SFMBT2: variants seen among roughly 807,000 people sequenced by gnomAD.
SFMBT2 encodes the protein Scm like with four mbt domains 2.
In SFMBT2, 38 loss-of-function variants were observed where a neutral mutation model predicts 110.1. That is an observed-to-expected ratio of 0.35 (90% CI 0.27 to 0.45). SFMBT2 has a LOEUF of 0.45. SFMBT2 is among the 20% of genes least tolerant of loss of function. The pLI, the probability that SFMBT2 is intolerant of heterozygous loss-of-function variation, is 1.00. For synonymous variants in SFMBT2, 425 were observed against 425.4 expected (o/e 1.00, Z 0.01); for missense variants, 1,011 against 1,094.9 (o/e 0.92, Z 1.08).
chr10:7,239,844 G>A (rs1840378485), intron 9 of SFMBT2, among the ~76,000 whole-genome samples: 1 of 152,280 alleles, frequency 6.6e-6, no homozygotes, highest in East Asian at 1.9e-4. Flanking sequence ...GGATACGGTT[G>A]TGTAGAAAAA....
Position 7,171,904 on chromosome 10 carries a change from C to T in SFMBT2, c.2406G>A (p.Glu802=). 1 of 1,436,074 alleles carries T rather than the reference C, an allele frequency of 7.0e-7. No individual in the cohort carries two copies. Among genetic ancestry groups the T allele is most frequent in the South Asian group, 1.5e-5 (1 of 67,804 alleles). The allele number at this position is 1,436,074 out of a possible 1,614,324, so 89.0% of individuals were successfully genotyped here. A position where few individuals can be genotyped will look rare whatever the true frequency, so the allele number is the denominator to read the frequency against. The change falls in exon 19 of 21, where the codon GAG becomes GAA. Residue 802 remains glutamate, a synonymous_variant. Transcript: ENST00000397167. This position sits in a 1 kb window ranked among gnomAD's most constrained non-coding sequence, Gnocchi z 4.9. The part of the protein sequence containing the change: ...EGEKCPPTKP[E]GTEDTKQEEE... Reference sequence around the variant, plus strand: ...CACGCCCGGGCATCACCTCTGTCCCCTCGGGCTTGGTCGGCGGGCACTTCT... The same window carrying T: ...CACGCCCGGGCATCACCTCTGTCCCTTCGGGCTTGGTCGGCGGGCACTTCT...
Position 7,381,909 on chromosome 10 carries a change from C to A in SFMBT2, c.-11G>T. 1.9e-6 allele frequency: 3 copies of A among 1,570,010 alleles called. No individual in the cohort carries two copies. The highest frequency in any genetic ancestry group is 1.2e-5 in the South Asian group (1 of 83,672). On this transcript the variant is annotated 5_prime_UTR_variant, in exon 2 of 21. Coordinates refer to ENST00000397167, the MANE Select transcript of SFMBT2 (RefSeq NM_001387889.1). ...CAAAGTGCTCTCCATGCCTGATGAG[C>A]AAGTGTCTCTTCTCTTAATTCATCC... is the stretch of plus-strand genomic sequence containing the variant.
intron 15 of SFMBT2, among the ~76,000 whole-genome samples, chr10:7,195,749 C>G (rs554429769): frequency 6.6e-6 from 1 of 152,190 alleles, no homozygotes. Context: ...TTGCAGATGC[C>G]TCCGGTGTGA....
intron 16 of SFMBT2, among the ~76,000 whole-genome samples, chr10:7,184,779 G>A (rs747610065): frequency 2.6e-5 from 4 of 152,062 alleles, no homozygotes; most frequent in Non-Finnish European, 5.9e-5. Context: ...ACGAGGTTCT[G>A]GTTCTTCAAG....
chr10:7,372,355 C>T (rs1845086399), intron 2 of SFMBT2, among the ~76,000 whole-genome samples: 1 of 152,234 alleles, frequency 6.6e-6, no homozygotes, highest in Non-Finnish European at 1.5e-5. Flanking sequence ...ATTTTGCCTT[C>T]TAAGCCCAAG....
Position 7,319,978 on chromosome 10 carries a change from G to A in SFMBT2, c.437-34024C>T, listed in dbSNP as rs113885891. On this transcript the variant is annotated intron_variant, in intron 4 of 20. Transcript: ENST00000397167. ...AGACAGAGAGAGATGAAGACAGAGA[G>A]ACACAGAGAGAGAGACAGAGAGGGA... Among the ~76,000 whole-genome samples, 47 of 151,446 alleles carry A rather than the reference G, an allele frequency of 3.1e-4. 2 individuals carry two copies. The highest frequency in any genetic ancestry group is 1.1e-3 in the African/African-American group (45 of 41,278).
chr10:7,254,948 G>A (rs1364479664), intron 7 of SFMBT2, among the ~76,000 whole-genome samples: 2 of 152,160 alleles, frequency 1.3e-5, no homozygotes, highest in East Asian at 3.8e-4. Context: ...CACTCCTAAG[G>A]AATAACAAGT....
At chr10:7,213,280 T>A (rs1432957480) in intron 11 of SFMBT2, among the ~76,000 whole-genome samples, 1 of 152,058 alleles carries the variant, frequency 6.6e-6, no homozygotes, top group Non-Finnish European at 1.5e-5. Context: ...AACACAGACC[T>A]ACTGTGTATT....
At chr10:7,322,704 C>T (rs7070031) in intron 4 of SFMBT2, among the ~76,000 whole-genome samples, 12,119 of 151,802 alleles carry the variant, frequency 0.08, 634 homozygotes, top group Non-Finnish European at 0.12. Context: ...AGTGGGGAGG[C>T]GAATGGACAA....
At chr10:7,284,288 A>C in intron 5 of SFMBT2, 138 bp from the exon 6 acceptor site, 2 of 1,460,162 alleles carry the variant, frequency 1.4e-6, no homozygotes, top group Non-Finnish European at 1.8e-6. Flanking sequence ...CCTCCACCCC[A>C]TCCTTGCCCA....
chr10:7,353,239 T>C (rs1844383792), intron 4 of SFMBT2, among the ~76,000 whole-genome samples: 1 of 152,074 alleles, frequency 6.6e-6, no homozygotes, highest in South Asian at 2.1e-4. Flanking sequence ...CTGATTGATA[T>C]TAAAGTGTTT....
rs948262119 is a variant in SFMBT2 at position 7,200,291 on chromosome 10, T to C, written c.1558+123A>G. The C allele has an allele frequency of 9.8e-6, 7 of 715,438 alleles. No individual in the cohort carries two copies. In the Admixed American group the frequency reaches 1.0e-4, roughly 10 times the overall value. 44.3% of individuals were successfully genotyped at this position (715,438 alleles called of 1,614,324 possible). On this transcript the variant is annotated intron_variant, in intron 14 of 20. Transcript: ENST00000397167. ...GTAGGTATCCGTTCCTGAGTGGCAA[T>C]GGAGAAAAACAGAATAGGCTCAACG...
At chr10:7,377,256 A>C (rs1845260674) in intron 2 of SFMBT2, among the ~76,000 whole-genome samples, 1 of 151,988 alleles carries the variant, frequency 6.6e-6, no homozygotes, top group Admixed American at 6.6e-5. Flanking sequence ...TTCTCAAGGA[A>C]AAACTTTAGT....
rs952920838 is a variant in SFMBT2, at chr10:7,408,629, C to A, written c.-52+2232G>T. ...CCCACGAGGTCCCTCGGGCAGGAAC[C>A]GCCGCGCGACCTCTGTTCAGCGGCC... On this transcript the variant is annotated intron_variant, in intron 1 of 20. Coordinates refer to ENST00000397167, the MANE Select transcript of SFMBT2 (RefSeq NM_001387889.1). This position sits in a 1 kb window ranked among gnomAD's most constrained non-coding sequence, Gnocchi z 5.7. The A allele has an allele frequency of 6.6e-6, 1 of 151,860 alleles. No individual in the cohort carries two copies. The highest frequency in any genetic ancestry group is 1.5e-5 in the Non-Finnish European group (1 of 67,958). The allele number at this position is 151,860 out of a possible 1,614,324, so 9.4% of individuals were successfully genotyped here.
chr10:7,316,044 CTACT>C (rs1258964525), intron 4 of SFMBT2, among the ~76,000 whole-genome samples: 1 of 152,180 alleles, frequency 6.6e-6, no homozygotes, highest in Non-Finnish European at 1.5e-5. Context: ...TGAACTTGGT[CTACT>C]TCATCACAGA....
chr10:7,224,436 G>T (rs934461155), intron 10 of SFMBT2, among the ~76,000 whole-genome samples: 2 of 152,104 alleles, frequency 1.3e-5, no homozygotes, highest in Admixed American at 6.6e-5. Context: ...AGGATCTGTG[G>T]TTGCCCAAAT....
intron 4 of SFMBT2, among the ~76,000 whole-genome samples, chr10:7,345,515 C>A (rs1844082467): frequency 6.6e-6 from 1 of 152,096 alleles, no homozygotes. Context: ...TGTGCCACCA[C>A]ACCCGGCTAA....
rs1837486333 is a variant in SFMBT2, at chr10:7,159,143, ACGAC to A, written c.*4623_*4626del. 2 of 152,336 alleles carry A rather than the reference ACGAC, an allele frequency of 1.3e-5. No homozygotes were observed. Among genetic ancestry groups the A allele is most frequent in the Middle Eastern group, 3.4e-3 (1 of 294 alleles). 9.4% of individuals were successfully genotyped at this position (152,336 alleles called of 1,614,324 possible). A position where few individuals can be genotyped will look rare whatever the true frequency, so the allele number is the denominator to read the frequency against. ...CACTGCTCTGCGTTGGTTAGGCGAC[ACGAC>A]CGTCATACTTACTGGGCCAAATCCC... On this transcript the variant is annotated 3_prime_UTR_variant, in exon 21 of 21. Transcript: ENST00000397167.
At chr10:7,206,156 T>C (rs906540472) in intron 11 of SFMBT2, 1 of 984,814 alleles carries the variant, frequency 1.0e-6, no homozygotes, top group Non-Finnish European at 1.2e-6. Flanking sequence ...ATAAAAGGGG[T>C]TCAGAGAAAA....
Sources: allele counts gnomAD v4.1 joint callset (sites outside exome capture counted in the v4.1 genomes callset), GRCh38; gene constraint gnomAD v4.1.1; non-coding constraint Gnocchi (gnomAD v3.1); transcripts MANE v1.5; gene names NCBI Gene and HGNC (gene_info 2026-07-23, HGNC 2026-07-21).